Variants in PRKCZ observed in about 807,000 individuals in gnomAD.
PRKCZ encodes the protein protein kinase C zeta, also known as protein kinase C zeta type.
In PRKCZ, 33 loss-of-function variants were observed where a neutral mutation model predicts 79.5. That is an observed-to-expected ratio of 0.41 (90% CI 0.31 to 0.55). The LOEUF (loss-of-function observed/expected upper bound fraction) is 0.55. Among genes scored for constraint, PRKCZ ranks in the 20% least tolerant of loss-of-function variants. PRKCZ has a pLI of 0.19. For missense variants in PRKCZ, 578 were observed against 813.5 expected (o/e 0.71, Z 3.52); for synonymous variants, 342 against 320.9 (o/e 1.07, Z -0.70).
chr1:2,147,676 G>T (rs1407364135), intron 7 of PRKCZ, among the ~76,000 whole-genome samples: 1 of 114,720 alleles, frequency 8.7e-6, no homozygotes, highest in Admixed American at 9.1e-5. Context: ...GTCTCCATCT[G>T]TCCATCTATC....
chr1:2,162,819 C>G (rs1343999045), intron 10 of PRKCZ, among the ~76,000 whole-genome samples: 1 of 152,192 alleles, frequency 6.6e-6, no homozygotes, highest in African/African-American at 2.4e-5. Context: ...TTTCTTCTCT[C>G]AGAGCATCCA....
intron 3 of PRKCZ, among the ~76,000 whole-genome samples, chr1:2,058,587 A>T (rs1278756687): frequency 6.6e-6 from 1 of 152,090 alleles, no homozygotes; most frequent in East Asian, 1.9e-4. Context: ...AAAAATTCAC[A>T]TTGTTTTCTA....
intron 4 of PRKCZ, among the ~76,000 whole-genome samples, chr1:2,077,133 C>T (rs1342070872): frequency 6.6e-6 from 1 of 152,188 alleles, no homozygotes; most frequent in Non-Finnish European, 1.5e-5. Context: ...GCTGTGAGCA[C>T]GTCTGACGGG....
chr1:2,079,455 A>G (rs1663064120), intron 4 of PRKCZ, among the ~76,000 whole-genome samples: 1 of 152,152 alleles, frequency 6.6e-6, no homozygotes, highest in Non-Finnish European at 1.5e-5. Context: ...AGCCCACGCT[A>G]TTTGCCGCGT....
intron 16 of PRKCZ, chr1:2,181,903 C>T (rs780392269): frequency 1.5e-5 from 7 of 456,232 alleles, no homozygotes; most frequent in South Asian, 7.7e-5. Flanking sequence ...TCCTGCTGTG[C>T]GCACACCACA....
At chr1:2,124,907 T>C (rs1054718460) in intron 4 of PRKCZ, among the ~76,000 whole-genome samples, 2 of 152,146 alleles carry the variant, frequency 1.3e-5, no homozygotes, top group African/African-American at 4.8e-5. Context: ...CGTCGATTGT[T>C]CGTGGGAGGA....
intron 6 of PRKCZ, 44 bp downstream of exon 6, chr1:2,144,385 CG>C (rs1557669391): frequency 1.3e-6 from 2 of 1,542,756 alleles, no homozygotes; most frequent in Admixed American, 2.0e-5. Context: ...CGGGCGGGGT[CG>C]GGGCGTGGCA....
At chr1:2,102,564 C>A (rs961964779) in intron 4 of PRKCZ, among the ~76,000 whole-genome samples, 2 of 152,064 alleles carry the variant, frequency 1.3e-5, no homozygotes, top group African/African-American at 4.8e-5. Context: ...GATCTCCTGA[C>A]CTCGTGATCC....
At chr1:2,080,761 C>T (rs1465896682) in intron 4 of PRKCZ, among the ~76,000 whole-genome samples, 1 of 152,208 alleles carries the variant, frequency 6.6e-6, no homozygotes, top group Non-Finnish European at 1.5e-5. Context: ...CCGTCCAGGG[C>T]CCCACGTGGC....
intron 5 of PRKCZ, among the ~76,000 whole-genome samples, chr1:2,137,423 G>C (rs556579873): frequency 7.9e-5 from 12 of 152,280 alleles, no homozygotes; most frequent in African/African-American, 2.9e-4. Flanking sequence ...TACTTCACCA[G>C]TTCTCTAGGC....
rs144620288 is a variant in PRKCZ, at chr1:2,096,832, C to T, written c.334+37241C>T. On this transcript the variant is annotated intron_variant, in intron 4 of 17. Coordinates refer to ENST00000378567, the MANE Select transcript of PRKCZ (RefSeq NM_002744.6). ...AGCTCATCCAGACCTCGCTCTGCAA[C>T]AAATCTCCAGCCTGGGTTGCCATGA... Among the ~76,000 whole-genome samples the T allele has an allele frequency of 8.9e-3, 1,354 of 152,324 alleles. 22 individuals are homozygous for T. The highest frequency in any genetic ancestry group is 0.031 in the African/African-American group (1,276 of 41,576).
At chr1:2,151,261 G>T (rs958699584) in intron 9 of PRKCZ, among the ~76,000 whole-genome samples, 1 of 152,374 alleles carries the variant, frequency 6.6e-6, no homozygotes. Flanking sequence ...CCTGCTCCCA[G>T]GCTGCAAGCC....
rs936380062 is a variant in PRKCZ, at chr1:2,075,686, C to T, written c.334+16095C>T. 6.6e-5 allele frequency among the ~76,000 whole-genome samples: 10 copies of T among 152,200 alleles called. No homozygotes were observed. Among genetic ancestry groups the T allele is most frequent in the African/African-American group, 9.6e-5 (4 of 41,452 alleles). On this transcript the variant is annotated intron_variant, in intron 4 of 17. Transcript: ENST00000378567. This position sits in a 1 kb window ranked among gnomAD's most constrained non-coding sequence, Gnocchi z 4.8. ...GCTCCGGGCTCTGCTGCGATGTTTC[C>T]GAGGCTCCCAGTTAATCAGATCTGT...
At position 2,148,778 on chromosome 1, in the gene PRKCZ, ACC is replaced by A. The variant is rs1202611691; in HGVS notation, c.635-92_635-91del. On this transcript the variant is annotated intron_variant, in intron 7 of 17. Transcript: ENST00000378567. ...CTGTGTGGATTCACCCTTCACCGTC[ACC>A]CTGCAGAGGAGCAAGGTCCACAGGG... is the stretch of plus-strand genomic sequence containing the variant. 8 of 1,266,318 alleles carry A rather than the reference ACC, an allele frequency of 6.3e-6. No individual in the cohort carries two copies. The East Asian group carries it at 1.9e-4, about 30-fold the overall frequency. The allele number at this position is 1,266,318 out of a possible 1,614,324, so 78.4% of individuals were successfully genotyped here.
At chr1:2,062,482 C>CT (rs61178553) in intron 4 of PRKCZ, among the ~76,000 whole-genome samples, 1,655 of 133,926 alleles carry the variant, frequency 0.012, 32 homozygotes, top group East Asian at 0.08. Flanking sequence ...GCCATCTTAA[C>CT]TTTTTTTTTT....
In PRKCZ at chr1:2,127,547, G is replaced by C. The variant is rs918144264; in HGVS notation, c.335-7715G>C. On this transcript the variant is annotated intron_variant, in intron 4 of 17. Coordinates refer to ENST00000378567, the MANE Select transcript of PRKCZ (RefSeq NM_002744.6). This position sits in a 1 kb window ranked among gnomAD's most constrained non-coding sequence, Gnocchi z 5.1. ...CTCTGGAACGGTGCCTGCATGGCTG[G>C]CACTATCCAGCGCAGAAGGAATGAA... is the stretch of plus-strand genomic sequence containing the variant. Among the ~76,000 whole-genome samples the C allele has an allele frequency of 1.3e-5, 2 of 152,194 alleles. No individual in the cohort carries two copies. The highest frequency in any genetic ancestry group is 4.8e-5 in the African/African-American group (2 of 41,434).
At position 2,082,495 on chromosome 1, in the gene PRKCZ, C is replaced by T. The variant is rs759954484; in HGVS notation, c.334+22904C>T. 2.7e-5 allele frequency: 12 copies of T among 444,108 alleles called. No homozygotes were observed. The highest frequency in any genetic ancestry group is 1.4e-4 in the East Asian group (2 of 14,332). 27.5% of individuals were successfully genotyped at this position (444,108 alleles called of 1,614,324 possible). On this transcript the variant is annotated intron_variant, in intron 4 of 17. Transcript: ENST00000378567. This position sits in a 1 kb window ranked among gnomAD's most constrained non-coding sequence, Gnocchi z 4.4. ...AGATCACGTCCGCGTTCCTAGCGAC[C>T]GGTTTTGTGATGTGGGCAGTGCCGT...
At chr1:2,074,398 G>A (rs772662514) in intron 4 of PRKCZ, 1 of 1,357,480 alleles carries the variant, frequency 7.4e-7, no homozygotes, top group East Asian at 2.5e-5. Context: ...TGGCTGTTGG[G>A]AGTTTCACTG....
rs896654550 is a variant in PRKCZ, at chr1:2,127,118, T to C, written c.335-8144T>C. On this transcript the variant is annotated intron_variant, in intron 4 of 17. Transcript: ENST00000378567. The surrounding 1 kb of genome is among the most constrained non-coding windows in gnomAD (Gnocchi z 5.1). ...TAAGCAGCTGTGGGGAAGGGGGAGGTTGTTGCCTCAGTGGGAGCCTGGGCT... is the reference window on the plus strand; with the variant it reads ...TAAGCAGCTGTGGGGAAGGGGGAGGCTGTTGCCTCAGTGGGAGCCTGGGCT... Among the ~76,000 whole-genome samples, 4 of 151,990 alleles carry C rather than the reference T, an allele frequency of 2.6e-5. No individual in the cohort carries two copies. Among genetic ancestry groups the C allele is most frequent in the Non-Finnish European group, 5.9e-5 (4 of 68,008 alleles).
Sources: allele counts gnomAD v4.1 joint callset (sites outside exome capture counted in the v4.1 genomes callset), GRCh38; gene constraint gnomAD v4.1.1; non-coding constraint Gnocchi (gnomAD v3.1); transcripts MANE v1.5; gene names NCBI Gene and HGNC (gene_info 2026-07-23, HGNC 2026-07-21).